SERINC5: variants seen among roughly 807,000 people sequenced by gnomAD.
The protein encoded by SERINC5 is serine incorporator 5, also known as chromosome 5 open reading frame 12.
SERINC5 carries 41 observed loss-of-function variants against 63.1 expected under a neutral mutation model. The observed-to-expected ratio is 0.65, with a 90% CI of 0.51 to 0.84. SERINC5 has a LOEUF of 0.84. SERINC5 is among the 40% of genes least tolerant of loss of function. The pLI is 0.00. For synonymous variants in SERINC5, 222 were observed against 215.2 expected (o/e 1.03, Z -0.28); for missense variants, 523 against 573.0 (o/e 0.91, Z 0.89).
At chr5:80,221,949 C>T (rs1750923301) in intron 1 of SERINC5, among the ~76,000 whole-genome samples, 2 of 151,956 alleles carry the variant, frequency 1.3e-5, no homozygotes, top group Non-Finnish European at 2.9e-5. Flanking sequence ...GAGTTCAAGA[C>T]CACCCTGGGT....
chr5:80,143,682 G>A lies in SERINC5; in HGVS notation c.1367C>T (p.Thr456Ile). ...ATATCATCACACAGAGAACTCCCGG[G>A]TGGGGCAGCAGAGGGGAGCGACCAG... Reference protein sequence around the residue: ...CTLVAPLCCPTREFSV With the variant: ...CTLVAPLCCPIREFSV The change falls in exon 12 of 12, where the codon ACC (threonine) becomes ATC (isoleucine). Residue 456 changes from threonine to isoleucine, a missense_variant. Transcript: ENST00000507668. 1 of 1,536,080 alleles carries A rather than the reference G, an allele frequency of 6.5e-7. No homozygotes were observed.
chr5:80,173,932 A>G (rs1561394043), intron 5 of SERINC5, among the ~76,000 whole-genome samples: 1 of 152,106 alleles, frequency 6.6e-6, no homozygotes, highest in Non-Finnish European at 1.5e-5. Flanking sequence ...TTCAATTCTA[A>G]TAGAGAATTG....
chr5:80,220,186 C>G, intron 1 of SERINC5, among the ~76,000 whole-genome samples: 1 of 150,066 alleles, frequency 6.7e-6, no homozygotes, highest in African/African-American at 2.5e-5. Flanking sequence ...CCAGCCTGGG[C>G]GACAGAGCAA....
intron 8 of SERINC5, among the ~76,000 whole-genome samples, chr5:80,156,421 C>T (rs542173080): frequency 6.6e-6 from 1 of 152,120 alleles, no homozygotes; most frequent in Non-Finnish European, 1.5e-5. Flanking sequence ...GCTGACCCCT[C>T]GAAGAGCTGC....
chr5:80,146,443 A>G (rs185030980), intron 10 of SERINC5, among the ~76,000 whole-genome samples: 8 of 152,084 alleles, frequency 5.3e-5, no homozygotes, highest in Non-Finnish European at 8.8e-5. Context: ...ACCTAATGCC[A>G]CATTTATTTT....
chr5:80,216,120 C>G (rs1221635049), intron 1 of SERINC5, among the ~76,000 whole-genome samples: 1 of 152,170 alleles, frequency 6.6e-6, no homozygotes, highest in Non-Finnish European at 1.5e-5. Flanking sequence ...GACAGCTCAA[C>G]AGAAAACAAA....
rs1432918632 is a variant in SERINC5 at position 80,147,219 on chromosome 5, G to T, written c.1093+26C>A. 11 of 1,584,242 alleles carry T rather than the reference G, an allele frequency of 6.9e-6. No individual in the cohort carries two copies. In the African/African-American group the frequency reaches 1.5e-4, roughly 21 times the overall value. ...TATAGGTCTGCAGTGCCACACAGGT[G>T]CAAAGAATAAAAGCGCTCTGCTTAC... is the stretch of plus-strand genomic sequence containing the variant. On this transcript the variant is annotated intron_variant, in intron 10 of 11. Transcript: ENST00000507668.
In SERINC5 at chr5:80,190,106, C is replaced by CTTT. The variant is rs11422784; in HGVS notation, c.196-12045_196-12043dup. On this transcript the variant is annotated intron_variant, in intron 2 of 11. Transcript: ENST00000507668. ...ACTATTTACATAACTGTCTCCCGTA[C>CTTT]TTTTTTTTTTTTTTTTTTTTTTTGA... Among the ~76,000 whole-genome samples the CTTT allele has an allele frequency of 5.1e-3, 475 of 93,180 alleles. 6 individuals carry two copies. Among genetic ancestry groups the CTTT allele is most frequent in the Admixed American group, 6.4e-3 (45 of 7,046 alleles). The allele number at this position is 93,180 out of a possible 152,430, so 61.1% of individuals were successfully genotyped here.
At position 80,139,614 on chromosome 5, in the gene SERINC5, G is replaced by A; in HGVS notation, c.*4049C>T. The A allele has an allele frequency of 1.0e-6, 1 of 984,926 alleles. No individual in the cohort carries two copies. Among genetic ancestry groups the A allele is most frequent in the South Asian group, 4.7e-5 (1 of 21,282 alleles). 61.0% of individuals were successfully genotyped at this position (984,926 alleles called of 1,614,324 possible). ...AGAAGAAAAGAGAGAGAGAGAGAAA[G>A]GTCTAAACATCTGTGTGAACAGCTC... On this transcript the variant is annotated 3_prime_UTR_variant, in exon 12 of 12. Transcript: ENST00000507668.
At chr5:80,221,272 C>A (rs1174701476) in intron 1 of SERINC5, among the ~76,000 whole-genome samples, 2 of 152,220 alleles carry the variant, frequency 1.3e-5, no homozygotes. Flanking sequence ...ATTTAACAAT[C>A]CTGCGCACCT....
chr5:80,224,057 T>C (rs1239871200), intron 1 of SERINC5, among the ~76,000 whole-genome samples: 3 of 139,854 alleles, frequency 2.1e-5, no homozygotes, highest in East Asian at 2.1e-4. Flanking sequence ...CGCTTGAACC[T>C]GGGAGGCAGA....
At chr5:80,213,259 A>G (rs1296680693) in intron 1 of SERINC5, among the ~76,000 whole-genome samples, 1 of 152,130 alleles carries the variant, frequency 6.6e-6, no homozygotes, top group Admixed American at 6.6e-5. Flanking sequence ...GAAAGAAAAA[A>G]GAAAGCTAAA....
chr5:80,188,594 T>C (rs946919901), intron 2 of SERINC5, among the ~76,000 whole-genome samples: 31 of 152,004 alleles, frequency 2.0e-4, no homozygotes, highest in African/African-American at 7.5e-4. Context: ...ACATACTACA[T>C]AGAATTCTAG....
At chr5:80,152,818 G>C (rs1561372364) in intron 8 of SERINC5, among the ~76,000 whole-genome samples, 1 of 152,180 alleles carries the variant, frequency 6.6e-6, no homozygotes, top group Non-Finnish European at 1.5e-5. Flanking sequence ...GCCGGCAGCT[G>C]TAATCCCAGC....
chr5:80,224,920 AGC>A (rs1206649796), intron 1 of SERINC5, among the ~76,000 whole-genome samples: 1 of 98,666 alleles, frequency 1.0e-5, no homozygotes, highest in Non-Finnish European at 2.1e-5. Flanking sequence ...CATCACGCCC[AGC>A]GTTTTTTTTT....
intron 1 of SERINC5, among the ~76,000 whole-genome samples, chr5:80,234,304 T>C (rs938993439): frequency 2.7e-4 from 41 of 152,226 alleles, no homozygotes; most frequent in Non-Finnish European, 4.4e-5. Context: ...GTTTTAGGAT[T>C]GGCGTACCCG....
chr5:80,229,486 A>G (rs10041917), intron 1 of SERINC5, among the ~76,000 whole-genome samples: 80,807 of 151,884 alleles, frequency 0.53, 22,796 homozygotes, highest in African/African-American at 0.73. Flanking sequence ...ATTTGAACTC[A>G]CCTACATTGA....
intron 2 of SERINC5, among the ~76,000 whole-genome samples, chr5:80,190,106 C>CTT (rs11422784): frequency 0.093 from 8,643 of 93,136 alleles, 594 homozygotes; most frequent in African/African-American, 0.1. Context: ...GTCTCCCGTA[C>CTT]TTTTTTTTTT....
At chr5:80,134,468 AGAGT>A (rs1181111912), downstream of SERINC5, among the ~76,000 whole-genome samples, 1 of 152,224 alleles carries the variant, frequency 6.6e-6, no homozygotes, top group Non-Finnish European at 1.5e-5. Flanking sequence ...CCTGGGTGAT[AGAGT>A]GAGACTCTGT....
Sources: gnomAD v4.1 joint callset for allele counts (sites outside exome capture counted in the v4.1 genomes callset) on GRCh38, gnomAD v4.1.1 for gene constraint, MANE v1.5 for transcripts, NCBI Gene and HGNC (gene_info 2026-07-23, HGNC 2026-07-21) for gene names.